NBEAL1: variants seen among roughly 807,000 people sequenced by gnomAD.
NBEAL1 encodes the protein neurobeachin-like protein 1.
NBEAL1 carries 273 observed loss-of-function variants against 351.3 expected under a neutral mutation model. The observed-to-expected ratio is 0.78, with a 90% CI of 0.70 to 0.86. The LOEUF (loss-of-function observed/expected upper bound fraction) is 0.86. Among genes scored for constraint, NBEAL1 ranks in the 40% least tolerant of loss-of-function variants. The probability of loss-of-function intolerance (pLI) is 0.00; values close to 1 mark genes in which losing one functional copy is unlikely to be tolerated. For missense variants in NBEAL1, 2,961 were observed against 3,201.3 expected (o/e 0.92, Z 1.81); for synonymous variants, 1,050 against 1,086.4 (o/e 0.97, Z 0.66).
chr2:203,127,533 C>T (rs2062966943), intron 23 of NBEAL1, among the ~76,000 whole-genome samples: 2 of 152,038 alleles, frequency 1.3e-5, no homozygotes, highest in Admixed American at 1.3e-4. Context: ...ACCAGCCTGG[C>T]CAACATGGTG....
At chr2:203,060,392 G>A (rs1304657993) in intron 6 of NBEAL1, among the ~76,000 whole-genome samples, 1 of 152,006 alleles carries the variant, frequency 6.6e-6, no homozygotes, top group Non-Finnish European at 1.5e-5. Flanking sequence ...AACATATACG[G>A]ATAACCAAAA....
intron 33 of NBEAL1, among the ~76,000 whole-genome samples, chr2:203,146,873 A>G (rs150863013): frequency 6.6e-6 from 1 of 152,316 alleles, no homozygotes; most frequent in African/African-American, 2.4e-5. Context: ...CTGGTTCAAC[A>G]TTTGAAGATT....
chr2:203,072,539 G>A (rs1017761768), intron 7 of NBEAL1, among the ~76,000 whole-genome samples: 9 of 152,110 alleles, frequency 5.9e-5, no homozygotes, highest in African/African-American at 2.2e-4. Context: ...GCAGTCAGAA[G>A]GAGAAATTAA....
rs558713653 is a variant in NBEAL1, at chr2:203,133,781, A to T, written c.3813+635A>T. On this transcript the variant is annotated intron_variant, in intron 27 of 55. Coordinates refer to ENST00000683969, the MANE Select transcript of NBEAL1 (RefSeq NM_001378026.1). Reference sequence around the variant, plus strand: ...AGTTTATATATATATACACATATATACACACACATATATAATTTATTTGTT... The same window carrying T: ...AGTTTATATATATATACACATATATTCACACACATATATAATTTATTTGTT... Among the ~76,000 whole-genome samples the T allele has an allele frequency of 7.9e-5, 12 of 151,328 alleles. No individual in the cohort carries two copies. The South Asian group carries it at 2.5e-3, about 31-fold the overall frequency.
chr2:203,125,696 A>G (rs1472564308), intron 20 of NBEAL1, among the ~76,000 whole-genome samples, 176 bp downstream of exon 20: 2 of 152,228 alleles, frequency 1.3e-5, no homozygotes, highest in Non-Finnish European at 2.9e-5. Flanking sequence ...TCAAAAAACG[A>G]CAGATTAATC....
chr2:203,074,211 C>T (rs1247711630), intron 7 of NBEAL1, among the ~76,000 whole-genome samples: 1 of 151,486 alleles, frequency 6.6e-6, no homozygotes, highest in East Asian at 1.9e-4. Flanking sequence ...TAAATATATG[C>T]AATTTGTATT....
intron 23 of NBEAL1, 63 bp downstream of exon 23, chr2:203,126,989 T>C: frequency 8.9e-7 from 1 of 1,127,374 alleles, no homozygotes; most frequent in Non-Finnish European, 1.3e-6. Context: ...TTGATTGGAA[T>C]GTGTAGACTG....
chr2:203,167,576 T>C (rs2064175361), intron 38 of NBEAL1, among the ~76,000 whole-genome samples: 1 of 152,180 alleles, frequency 6.6e-6, no homozygotes, highest in Non-Finnish European at 1.5e-5. Flanking sequence ...TATGGCTAGA[T>C]AAAGTAGAAT....
At chr2:203,082,059 C>A (rs1160031704) in intron 8 of NBEAL1, among the ~76,000 whole-genome samples, 1 of 152,134 alleles carries the variant, frequency 6.6e-6, no homozygotes, top group Non-Finnish European at 1.5e-5. Context: ...TGCATTTCAA[C>A]ATGGGTGACA....
chr2:203,041,819 C>G lies in NBEAL1; in HGVS notation c.106C>G (p.Gln36Glu). The G allele has an allele frequency of 1.9e-6, 3 of 1,554,090 alleles. No homozygotes were observed. The highest frequency in any genetic ancestry group is 2.6e-6 in the Non-Finnish European group (3 of 1,147,552). The change falls in exon 3 of 56, where the codon CAA (glutamine) becomes GAA (glutamate). Residue 36 changes from glutamine to glutamate, a missense_variant. Transcript: ENST00000683969. ...WLDTFVSSYE[Q>E]FLDVDFEKLP... ...GGACACTTTTGTTTCTAGCTATGAA[C>G]AATTTTTAGACGTTGACTTTGAAAA... is the stretch of plus-strand genomic sequence containing the variant.
chr2:203,135,580 T>C (rs928824871), intron 27 of NBEAL1, 97 bp from the exon 28 acceptor site: 3 of 752,432 alleles, frequency 4.0e-6, no homozygotes. Flanking sequence ...TAGTTTCTCA[T>C]TAAATTACCT....
intron 35 of NBEAL1, among the ~76,000 whole-genome samples, chr2:203,156,913 A>G (rs570152589): frequency 6.6e-6 from 1 of 152,244 alleles, no homozygotes; most frequent in East Asian, 1.9e-4. Context: ...TCTTATTTCA[A>G]TCAGATAGTT....
At chr2:203,187,273 G>T (rs1210053221) in intron 44 of NBEAL1, among the ~76,000 whole-genome samples, 6 of 150,518 alleles carry the variant, frequency 4.0e-5, no homozygotes, top group Non-Finnish European at 8.8e-5. Flanking sequence ...GCCCAGGCTG[G>T]TCTTGAATTC....
chr2:203,141,771 A>T (rs1476897221), intron 31 of NBEAL1, among the ~76,000 whole-genome samples: 3 of 151,884 alleles, frequency 2.0e-5, no homozygotes, highest in Non-Finnish European at 4.4e-5. Flanking sequence ...TCAGAAATAA[A>T]AACATATTTC....
chr2:203,103,395 C>CT (rs1377205565), intron 12 of NBEAL1, among the ~76,000 whole-genome samples: 2 of 152,066 alleles, frequency 1.3e-5, no homozygotes, highest in Non-Finnish European at 2.9e-5. Context: ...TGCCAGCCTC[C>CT]TGAGTAGCTG....
chr2:203,084,858 T>G, intron 10 of NBEAL1: 1 of 209,500 alleles, frequency 4.8e-6, no homozygotes, highest in East Asian at 1.2e-4. Flanking sequence ...TTTAAGTAAT[T>G]AGTTGCTTCT....
intron 48 of NBEAL1, among the ~76,000 whole-genome samples, chr2:203,197,800 T>C (rs1349415849): frequency 2.0e-5 from 3 of 151,882 alleles, no homozygotes; most frequent in Non-Finnish European, 4.4e-5. Context: ...TTCCAGCTAC[T>C]TGGGAGGCTG....
chr2:203,207,076 G>A (rs1343790844), intron 51 of NBEAL1, among the ~76,000 whole-genome samples: 6 of 147,816 alleles, frequency 4.1e-5, no homozygotes, highest in Middle Eastern at 3.4e-3. Flanking sequence ...CTGTCGCCCC[G>A]TCCGGGATGT....
rs991550340 is a variant in NBEAL1 at position 203,111,964 on chromosome 2, G to A, written c.2083-15G>A. ...ATGTAATTTTATCCTTTAAATGTGT[G>A]TTTCACTTTACCAGCACAACATAAC... On this transcript the variant is annotated splice_polypyrimidine_tract_variant and intron_variant, in intron 15 of 55. Transcript: ENST00000683969. 3 of 1,542,750 alleles carry A rather than the reference G, an allele frequency of 1.9e-6. No individual in the cohort carries two copies. Among genetic ancestry groups the A allele is most frequent in the Admixed American group, 2.1e-5 (1 of 47,840 alleles).
Sources: allele counts gnomAD v4.1 joint callset (sites outside exome capture counted in the v4.1 genomes callset), GRCh38; gene constraint gnomAD v4.1.1; transcripts MANE v1.5; gene names NCBI Gene and HGNC (gene_info 2026-07-23, HGNC 2026-07-21).